The following CDH18 variants were observed in gnomAD, a reference collection of about 807,000 sequenced individuals.
CDH18 encodes the protein cadherin-18.
In CDH18, 31 loss-of-function variants were observed where a neutral mutation model predicts 67.9. That is an observed-to-expected ratio of 0.46 (90% CI 0.34 to 0.62). The LOEUF is 0.62. Among genes scored for constraint, CDH18 ranks in the 20% least tolerant of loss-of-function variants. The probability of loss-of-function intolerance (pLI) is 0.01; values close to 1 mark genes in which losing one functional copy is unlikely to be tolerated. For missense variants in CDH18, 890 were observed against 975.5 expected, an observed-to-expected ratio of 0.91 and a Z score of 1.17; for synonymous variants, 362 against 347.2, an observed-to-expected ratio of 1.04 and a Z score of -0.48.
chr5:20,111,943 T>C (rs1291149835), intron 2 of CDH18, among the ~76,000 whole-genome samples: 1 of 152,210 alleles, frequency 6.6e-6, no homozygotes, highest in African/African-American at 2.4e-5. Context: ...GTAGTGTTTA[T>C]TTTTCATACA....
At position 20,379,890 on chromosome 5, in the gene CDH18, C is replaced by T. The variant is rs1383508057; in HGVS notation, c.-579-124385G>A. Among the ~76,000 whole-genome samples, 3 of 151,834 alleles carry T rather than the reference C, an allele frequency of 2.0e-5. No homozygotes were observed. The East Asian group carries it at 5.8e-4, about 29-fold the overall frequency. On this transcript the variant is annotated intron_variant, in intron 1 of 14. Coordinates refer to the CDH18 transcript ENST00000507958. Reference sequence around the variant, plus strand: ...GCCAGCCAGCCCTAGGTTGTGACCCCAATCACTGAAGCAAAATTGGCCTTC... The same window carrying T: ...GCCAGCCAGCCCTAGGTTGTGACCCTAATCACTGAAGCAAAATTGGCCTTC...
chr5:19,842,469 A>G (rs1048985527), intron 2 of CDH18, among the ~76,000 whole-genome samples: 4 of 151,692 alleles, frequency 2.6e-5, no homozygotes, highest in Non-Finnish European at 5.9e-5. Flanking sequence ...CCTTGTGAAA[A>G]AGAACATGTT....
chr5:19,991,933 G>A (rs538358116), upstream of CDH18: 1 of 151,642 alleles, frequency 6.6e-6, no homozygotes, highest in East Asian at 1.9e-4. Flanking sequence ...CAGGAGAATG[G>A]CGTGAACCCA....
At chr5:20,461,337 T>G (rs976086654) in intron 1 of CDH18, among the ~76,000 whole-genome samples, 1 of 152,164 alleles carries the variant, frequency 6.6e-6, no homozygotes, top group African/African-American at 2.4e-5. Flanking sequence ...GGGATTTCCA[T>G]ATTTCTCCGT....
intron 2 of CDH18, among the ~76,000 whole-genome samples, chr5:20,172,191 T>TGTATATATAC (rs58954524): frequency 1.8e-4 from 1 of 5,518 alleles, no homozygotes; most frequent in African/African-American, 4.0e-4. Context: ...GCATTGTGTG[T>TGTATATATAC]ATATATATAT....
At chr5:19,971,612 T>G (rs1190386796) in intron 2 of CDH18, among the ~76,000 whole-genome samples, 1 of 152,030 alleles carries the variant, frequency 6.6e-6, no homozygotes, top group African/African-American at 2.4e-5. Context: ...AAATACTCCA[T>G]GTTCTCACTT....
intron 2 of CDH18, among the ~76,000 whole-genome samples, chr5:20,203,665 C>T (rs1193948811): frequency 6.7e-6 from 1 of 148,786 alleles, no homozygotes; most frequent in African/African-American, 2.5e-5. Flanking sequence ...AAAAGCCAGA[C>T]AGAGAAGATT....
intron 1 of CDH18, among the ~76,000 whole-genome samples, chr5:20,552,209 G>C (rs1024282783): frequency 6.6e-6 from 1 of 151,654 alleles, no homozygotes; most frequent in South Asian, 2.1e-4. Flanking sequence ...GGGCGCATTG[G>C]CTCATGCCTA....
chr5:20,280,019 T>C (rs933817835), intron 1 of CDH18, among the ~76,000 whole-genome samples: 1 of 152,086 alleles, frequency 6.6e-6, no homozygotes, highest in Non-Finnish European at 1.5e-5. Flanking sequence ...ACATCAAAGT[T>C]ATTATCTGAC....
At chr5:20,002,298 C>T (rs1253535760) in intron 2 of CDH18, among the ~76,000 whole-genome samples, 1 of 152,092 alleles carries the variant, frequency 6.6e-6, no homozygotes, top group African/African-American at 2.4e-5. Context: ...AGTTCTTATG[C>T]CATTCGTTTA....
chr5:20,447,248 A>G (rs941608619), intron 1 of CDH18, among the ~76,000 whole-genome samples: 1 of 151,630 alleles, frequency 6.6e-6, no homozygotes, highest in Non-Finnish European at 1.5e-5. Context: ...CCCCATTATT[A>G]TGGTTGTTTC....
At chr5:19,744,676 T>C (rs2150720893) in intron 4 of CDH18, among the ~76,000 whole-genome samples, 1 of 152,302 alleles carries the variant, frequency 6.6e-6, no homozygotes, top group African/African-American at 2.4e-5. Context: ...AAATATTTAT[T>C]TTGCCCTAGC....
At chr5:20,030,286 T>C (rs1739282186) in intron 2 of CDH18, among the ~76,000 whole-genome samples, 1 of 152,128 alleles carries the variant, frequency 6.6e-6, no homozygotes, top group Non-Finnish European at 1.5e-5. Flanking sequence ...GTCATATTTA[T>C]AGAGAAAAAA....
chr5:19,594,563 C>T (rs1247662464), intron 6 of CDH18, among the ~76,000 whole-genome samples: 1 of 152,158 alleles, frequency 6.6e-6, no homozygotes, highest in Non-Finnish European at 1.5e-5. Context: ...TTCCACTGGC[C>T]TACATATCTG....
chr5:19,507,157 C>T (rs940309874), intron 10 of CDH18, among the ~76,000 whole-genome samples: 8 of 152,186 alleles, frequency 5.3e-5, no homozygotes, highest in African/African-American at 1.7e-4. Context: ...TGAAAAAATG[C>T]TTATCATCAT....
intron 6 of CDH18, among the ~76,000 whole-genome samples, chr5:19,609,056 G>A (rs1580471072): frequency 6.6e-6 from 1 of 151,784 alleles, no homozygotes; most frequent in African/African-American, 2.4e-5. Flanking sequence ...ACCTATCCAA[G>A]AATAAGTTAT....
At chr5:20,098,021 T>G (rs1746136625) in intron 2 of CDH18, among the ~76,000 whole-genome samples, 1 of 151,956 alleles carries the variant, frequency 6.6e-6, no homozygotes, top group Non-Finnish European at 1.5e-5. Context: ...ATGTTTTAAT[T>G]GTATTTCTAT....
chr5:19,625,438 A>G (rs1751390216), intron 5 of CDH18, among the ~76,000 whole-genome samples: 1 of 151,880 alleles, frequency 6.6e-6, no homozygotes, highest in Non-Finnish European at 1.5e-5. Context: ...TTGTCCTCAA[A>G]TACCACAAAC....
At chr5:20,479,210 T>C (rs1021823056) in intron 1 of CDH18, among the ~76,000 whole-genome samples, 2 of 152,100 alleles carry the variant, frequency 1.3e-5, no homozygotes, top group Non-Finnish European at 2.9e-5. Context: ...TGCCCTAACA[T>C]TGACAAACAT....
Sources: gnomAD v4.1 joint callset for allele counts (sites outside exome capture counted in the v4.1 genomes callset) on GRCh38, gnomAD v4.1.1 for gene constraint, MANE v1.5 for transcripts, NCBI Gene and HGNC (gene_info 2026-07-23, HGNC 2026-07-21) for gene names.